ZNF521: variants seen among roughly 807,000 people sequenced by gnomAD.
The protein encoded by ZNF521 is LYST-interacting protein 3.
Under a neutral mutation model 105.5 loss-of-function variants are expected in ZNF521, and 14 were observed. The observed-to-expected ratio is 0.13, with a 90% CI of 0.09 to 0.21. The LOEUF (loss-of-function observed/expected upper bound fraction) is 0.21, where lower values mean the gene tolerates loss of function less well. Ranked by LOEUF, ZNF521 falls within the 10% of genes least tolerant of loss-of-function variation. ZNF521 has a pLI of 1.00. For synonymous variants in ZNF521, 635 were observed against 606.0 expected, an observed-to-expected ratio of 1.05 and a Z score of -0.70; for missense variants, 1,233 against 1,629.7, an observed-to-expected ratio of 0.76 and a Z score of 4.19.
intron 2 of ZNF521, among the ~76,000 whole-genome samples, chr18:25,349,068 T>G (rs79205616): frequency 2.6e-5 from 4 of 152,112 alleles, no homozygotes; most frequent in African/African-American, 7.2e-5. Context: ...TTTTTTTTTT[T>G]GAAAAGAAAA....
chr18:25,231,724 A>C (rs928327850), intron 3 of ZNF521, among the ~76,000 whole-genome samples: 13 of 152,188 alleles, frequency 8.5e-5, no homozygotes, highest in Non-Finnish European at 1.5e-4. Flanking sequence ...TATGTGCAGA[A>C]GGGCTAGACT....
At chr18:25,149,088 G>T (rs753199730) in intron 5 of ZNF521, among the ~76,000 whole-genome samples, 6 of 152,272 alleles carry the variant, frequency 3.9e-5, no homozygotes, top group African/African-American at 9.6e-5. Flanking sequence ...TAAGTGAAGG[G>T]TGTCCACTGG....
intron 4 of ZNF521, among the ~76,000 whole-genome samples, chr18:25,210,584 C>G (rs9947134): frequency 0.039 from 5,979 of 152,216 alleles, 401 homozygotes; most frequent in African/African-American, 0.14. Context: ...GTCTAATGTT[C>G]TATTCATGTG....
chr18:25,208,282 A>G (rs2036117939), intron 4 of ZNF521, among the ~76,000 whole-genome samples: 1 of 152,228 alleles, frequency 6.6e-6, no homozygotes, highest in Non-Finnish European at 1.5e-5. Flanking sequence ...TTTGTGCCCA[A>G]CGTCTATGAA....
chr18:25,303,587 C>A (rs542292381), intron 3 of ZNF521, among the ~76,000 whole-genome samples: 4 of 152,102 alleles, frequency 2.6e-5, no homozygotes, highest in Admixed American at 6.6e-5. Flanking sequence ...TGAGCCACCA[C>A]GCCTGGCCTG....
intron 3 of ZNF521, among the ~76,000 whole-genome samples, chr18:25,273,919 A>G (rs1435512959): frequency 6.6e-6 from 1 of 152,212 alleles, no homozygotes; most frequent in Non-Finnish European, 1.5e-5. Context: ...AGGTAGAACC[A>G]CAGAACTTCA....
chr18:25,193,652 G>T (rs1391179816), intron 5 of ZNF521, among the ~76,000 whole-genome samples: 3 of 151,850 alleles, frequency 2.0e-5, no homozygotes, highest in Non-Finnish European at 2.9e-5. Context: ...TTTATATAAG[G>T]TATTTTTTAC....
chr18:25,314,598 C>T (rs1048911701), intron 3 of ZNF521, among the ~76,000 whole-genome samples: 4 of 152,186 alleles, frequency 2.6e-5, no homozygotes, highest in African/African-American at 7.2e-5. Context: ...AGCTACAACC[C>T]TGGGTAGGGC....
In ZNF521 at chr18:25,220,303, C is replaced by T. The variant is rs116026542; in HGVS notation, c.3573+4042G>A. On this transcript the variant is annotated intron_variant, in intron 4 of 7. Transcript: ENST00000361524. ...CATTGGTCAATTAGGCCAGAAGAGCCCTTGGAGTCAGCTGCAATAAAGTGA... is the reference window on the plus strand; with the variant it reads ...CATTGGTCAATTAGGCCAGAAGAGCTCTTGGAGTCAGCTGCAATAAAGTGA... 5.6e-3 allele frequency among the ~76,000 whole-genome samples: 856 copies of T among 152,152 alleles called. 9 individuals are homozygous for T. The highest frequency in any genetic ancestry group is 0.019 in the African/African-American group (792 of 41,498).
intron 5 of ZNF521, among the ~76,000 whole-genome samples, chr18:25,096,187 T>A (rs974541433): frequency 4.6e-5 from 7 of 152,224 alleles, no homozygotes; most frequent in African/African-American, 1.7e-4. Flanking sequence ...TGTAAATATT[T>A]ACTCCAATAT....
intron 5 of ZNF521, 93 bp downstream of exon 5, chr18:25,195,067 T>C (rs2035880383): frequency 2.9e-6 from 3 of 1,017,590 alleles, no homozygotes; most frequent in South Asian, 1.5e-5. Flanking sequence ...ACAATGATGG[T>C]TGAACAATTA....
chr18:25,223,703 C>T (rs116435311), intron 4 of ZNF521, among the ~76,000 whole-genome samples: 3,349 of 150,130 alleles, frequency 0.022, 132 homozygotes, highest in African/African-American at 0.078. Context: ...AAAAAAAAAA[C>T]GCACACATTG....
chr18:25,089,414 T>A (rs2033697042), intron 7 of ZNF521, 51 bp downstream of exon 7: 2 of 1,388,370 alleles, frequency 1.4e-6, no homozygotes, highest in Non-Finnish European at 2.0e-6. Flanking sequence ...CCCTGTTTAC[T>A]ATAAGAATAG....
At chr18:25,106,241 C>T (rs12326933) in intron 5 of ZNF521, among the ~76,000 whole-genome samples, 40,763 of 151,846 alleles carry the variant, frequency 0.27, 5,909 homozygotes, top group Non-Finnish European at 0.33. Flanking sequence ...AAATGGTACC[C>T]GTTACAAGGT....
chr18:25,137,854 C>A (rs1242098710), intron 5 of ZNF521, among the ~76,000 whole-genome samples: 2 of 152,164 alleles, frequency 1.3e-5, no homozygotes. Flanking sequence ...GCGTTTGATC[C>A]TAAGGATGCC....
chr18:25,120,654 A>AC (rs1259693148), intron 5 of ZNF521, among the ~76,000 whole-genome samples: 1 of 152,062 alleles, frequency 6.6e-6, no homozygotes, highest in Admixed American at 6.6e-5. Context: ...CTGGCCTATA[A>AC]CCATAATTCA....
In ZNF521 at chr18:25,322,003, T is replaced by C. The variant is rs45590038; in HGVS notation, c.220+5A>G. ...GAAGACAAAAAAGTGATAAGTATTGTTTACCTGTCAGTTGACATTGATTAA... is the reference window on the plus strand; with the variant it reads ...GAAGACAAAAAAGTGATAAGTATTGCTTACCTGTCAGTTGACATTGATTAA... On this transcript the variant is annotated splice_donor_5th_base_variant and intron_variant, in intron 3 of 7. Coordinates refer to ENST00000361524, the MANE Select transcript of ZNF521 (RefSeq NM_015461.3). 69,830 of 1,612,910 alleles carry C rather than the reference T, an allele frequency of 0.043. 1,695 individuals carry two copies. Among genetic ancestry groups the C allele is most frequent in the South Asian group, 0.057 (5,136 of 90,860 alleles).
At chr18:25,270,182 G>A (rs1277343515) in intron 3 of ZNF521, among the ~76,000 whole-genome samples, 4 of 152,154 alleles carry the variant, frequency 2.6e-5, no homozygotes, top group Admixed American at 2.0e-4. Context: ...GGAAAATCTA[G>A]AAGAAATGGA....
At chr18:25,221,027 T>A (rs1356683280) in intron 4 of ZNF521, among the ~76,000 whole-genome samples, 1 of 152,214 alleles carries the variant, frequency 6.6e-6, no homozygotes, top group Admixed American at 6.5e-5. Context: ...TATTGTAGGT[T>A]ATGTGTAAAT....
Sources: allele counts gnomAD v4.1 joint callset (sites outside exome capture counted in the v4.1 genomes callset), GRCh38; gene constraint gnomAD v4.1.1; transcripts MANE v1.5; gene names NCBI Gene and HGNC (gene_info 2026-07-23, HGNC 2026-07-21).